The following SYT16 variants were observed in gnomAD, a reference collection of about 807,000 sequenced individuals.
SYT16 encodes the protein synaptotagmin-16.
Under a neutral mutation model 61.4 loss-of-function variants are expected in SYT16, and 42 were observed. The ratio of observed to expected loss-of-function variants is 0.68; its 90% confidence interval spans 0.53 to 0.89. The LOEUF (loss-of-function observed/expected upper bound fraction) is 0.89, where lower values mean the gene tolerates loss of function less well. Among genes scored for constraint, SYT16 ranks in the 40% least tolerant of loss-of-function variants. The probability of loss-of-function intolerance (pLI) is 0.00; values close to 1 mark genes in which losing one functional copy is unlikely to be tolerated. For missense variants in SYT16, 804 were observed against 807.3 expected (o/e 1.00, Z 0.05); for synonymous variants, 314 against 302.3 (o/e 1.04, Z -0.40).
In SYT16 at chr14:62,103,348, G is replaced by A. The variant is rs1451206343; in HGVS notation, c.*2641G>A. The A allele has an allele frequency of 1.3e-5, 2 of 152,184 alleles. No homozygotes were observed. The highest frequency in any genetic ancestry group is 2.9e-5 in the Non-Finnish European group (2 of 68,030). The allele number at this position is 152,184 out of a possible 1,614,324, so 9.4% of individuals were successfully genotyped here. On this transcript the variant is annotated 3_prime_UTR_variant, in exon 8 of 8. Transcript: ENST00000683842. ...CCAGCTAATGATTAATATCTCATAGGGAGATTTGACATTGAAGCAGCACTG... is the reference window on the plus strand; with the variant it reads ...CCAGCTAATGATTAATATCTCATAGAGAGATTTGACATTGAAGCAGCACTG...
rs760431722 is a variant in SYT16, at chr14:62,075,291, G to A, written c.893G>A (p.Arg298His). Residue 298 changes from arginine to histidine, a missense_variant, in exon 5 of 8, where the codon CGC (arginine) becomes CAC (histidine). Coordinates refer to ENST00000683842, the MANE Select transcript of SYT16 (RefSeq NM_001367656.1). ...TCCAGTGTGGTCCAAAGCCTCAGGC[G>A]CCAATCCACAGAGGGCAGCTTGGAG... ...QESSVVQSLR[R>H]QSTEGSLEME... 6.8e-6 allele frequency: 11 copies of A among 1,613,748 alleles called. No individual in the cohort carries two copies. The highest frequency in any genetic ancestry group is 1.6e-4 in the Middle Eastern group (1 of 6,084).
At chr14:62,010,527 C>G (rs372628426) in intron 3 of SYT16, among the ~76,000 whole-genome samples, 3 of 152,074 alleles carry the variant, frequency 2.0e-5, no homozygotes, top group African/African-American at 7.2e-5. Flanking sequence ...GATTGATTCA[C>G]TTTGCCCGTG....
intron 1 of SYT16, among the ~76,000 whole-genome samples, chr14:61,819,502 G>A (rs2045549302): frequency 1.3e-5 from 2 of 152,128 alleles, no homozygotes; most frequent in African/African-American, 2.4e-5. Context: ...TTCTTATTGT[G>A]AGAATATAAT....
intron 3 of SYT16, among the ~76,000 whole-genome samples, chr14:62,055,570 T>G (rs1188859870): frequency 1.3e-5 from 2 of 152,200 alleles, no homozygotes; most frequent in Non-Finnish European, 2.9e-5. Context: ...TCATGGCTCT[T>G]CTTTTATCTT....
chr14:62,075,442 C>T, intron 5 of SYT16, 51 bp downstream of exon 5: 1 of 1,521,650 alleles, frequency 6.6e-7, no homozygotes, highest in Non-Finnish European at 8.9e-7. Flanking sequence ...CCCTTCCCCT[C>T]TTTCCACTCT....
intron 1 of SYT16, among the ~76,000 whole-genome samples, chr14:61,849,817 C>CT (rs903235482): frequency 1.2e-4 from 18 of 152,206 alleles, no homozygotes; most frequent in Non-Finnish European, 2.2e-4. Context: ...TATGTAGGTG[C>CT]TTTTTTGTGT....
intron 2 of SYT16, among the ~76,000 whole-genome samples, chr14:61,974,031 G>T (rs2051676749): frequency 6.6e-6 from 1 of 152,156 alleles, no homozygotes; most frequent in African/African-American, 2.4e-5. Flanking sequence ...GCAGGAGACT[G>T]CCTCACTGGT....
rs1449235862 is a variant in SYT16 at position 61,835,404 on chromosome 14, G to A, written c.-325+22594G>A. On this transcript the variant is annotated intron_variant, in intron 1 of 7. Coordinates refer to ENST00000683842, the MANE Select transcript of SYT16 (RefSeq NM_001367656.1). Reference sequence around the variant, plus strand: ...CTCCCAAGTAACTGGGATTACAGGCGCCTGCCACCATGCCCAGCTAATTTT... The same window carrying A: ...CTCCCAAGTAACTGGGATTACAGGCACCTGCCACCATGCCCAGCTAATTTT... Among the ~76,000 whole-genome samples the A allele has an allele frequency of 2.6e-5, 4 of 151,642 alleles. No individual in the cohort carries two copies. The East Asian group carries it at 7.7e-4, about 29-fold the overall frequency.
At chr14:62,013,695 G>A (rs940122781) in intron 3 of SYT16, among the ~76,000 whole-genome samples, 1 of 152,048 alleles carries the variant, frequency 6.6e-6, no homozygotes, top group African/African-American at 2.4e-5. Context: ...GCCAAGTGCG[G>A]TGGCTCATGC....
At chr14:61,844,319 A>G (rs1410119145) in intron 1 of SYT16, among the ~76,000 whole-genome samples, 2 of 152,168 alleles carry the variant, frequency 1.3e-5, no homozygotes, top group Non-Finnish European at 2.9e-5. Flanking sequence ...ATAAGATCAT[A>G]TCATCCACAA....
At chr14:62,084,174 C>G (rs758937713) in intron 6 of SYT16, 22 bp from the exon 7 acceptor site, 1 of 1,608,342 alleles carries the variant, frequency 6.2e-7, no homozygotes, top group Non-Finnish European at 8.5e-7. Context: ...CCAATGGATT[C>G]TTTGTTGTTC....
At chr14:61,899,469 A>T (rs750000292) in intron 1 of SYT16, among the ~76,000 whole-genome samples, 1 of 152,244 alleles carries the variant, frequency 6.6e-6, no homozygotes, top group Non-Finnish European at 1.5e-5. Flanking sequence ...GGATGTAACA[A>T]TCTGCCTACA....
At chr14:61,939,958 G>A (rs1055469953) in intron 1 of SYT16, among the ~76,000 whole-genome samples, 2 of 151,974 alleles carry the variant, frequency 1.3e-5, no homozygotes, top group Admixed American at 6.6e-5. Context: ...TCATCTGGGG[G>A]CTTTTCAACT....
chr14:61,831,897 G>T, intron 1 of SYT16: 1 of 485,586 alleles, frequency 2.1e-6, no homozygotes, highest in South Asian at 2.0e-5. Context: ...AGTCCCACTT[G>T]GCTGGCGAAG....
At chr14:61,864,022 A>G (rs2047050115) in intron 1 of SYT16, among the ~76,000 whole-genome samples, 2 of 152,228 alleles carry the variant, frequency 1.3e-5, no homozygotes, top group Admixed American at 1.3e-4. Context: ...CACGTCTTGA[A>G]GTTGGGTAGT....
chr14:62,028,958 G>A (rs2054204124), intron 3 of SYT16, among the ~76,000 whole-genome samples: 1 of 152,164 alleles, frequency 6.6e-6, no homozygotes, highest in Admixed American at 6.5e-5. Flanking sequence ...AATGTGGAAT[G>A]TTTTAACATT....
At chr14:62,073,225 A>T (rs1187990908) in intron 4 of SYT16, among the ~76,000 whole-genome samples, 1 of 152,156 alleles carries the variant, frequency 6.6e-6, no homozygotes, top group African/African-American at 2.4e-5. Context: ...TTCTCTTATT[A>T]CTGATCTTGG....
chr14:62,007,006 C>A (rs1342071846), intron 3 of SYT16, among the ~76,000 whole-genome samples: 3 of 152,102 alleles, frequency 2.0e-5, no homozygotes, highest in Non-Finnish European at 4.4e-5. Flanking sequence ...ACTTTTCAAC[C>A]AGATTACTCT....
chr14:62,018,551 C>T (rs1023994718), intron 3 of SYT16, among the ~76,000 whole-genome samples: 3 of 152,056 alleles, frequency 2.0e-5, no homozygotes, highest in Non-Finnish European at 2.9e-5. Context: ...AGGTGATCCG[C>T]CCACCCTGGC....
Sources: allele counts gnomAD v4.1 joint callset (sites outside exome capture counted in the v4.1 genomes callset), GRCh38; gene constraint gnomAD v4.1.1; transcripts MANE v1.5; gene names NCBI Gene and HGNC (gene_info 2026-07-23, HGNC 2026-07-21).